CDK5RAP2: variants seen among roughly 807,000 people sequenced by gnomAD.
The protein encoded by CDK5RAP2 is CDK5 regulatory subunit associated protein 2.
Under a neutral mutation model 232.9 loss-of-function variants are expected in CDK5RAP2, and 147 were observed. The ratio of observed to expected loss-of-function variants is 0.63; its 90% CI spans 0.55 to 0.72. The LOEUF (loss-of-function observed/expected upper bound fraction) is 0.72. Ranked by LOEUF, CDK5RAP2 falls within the 30% of genes least tolerant of loss-of-function variation. The pLI is 0.00. For synonymous variants in CDK5RAP2, 833 were observed against 833.7 expected, an observed-to-expected ratio of 1.00 and a Z score of 0.01; for missense variants, 2,195 against 2,231.5, an observed-to-expected ratio of 0.98 and a Z score of 0.33.
At chr9:120,393,353 G>C (rs982117369) in intron 36 of CDK5RAP2, among the ~76,000 whole-genome samples, 12 of 152,284 alleles carry the variant, frequency 7.9e-5, no homozygotes, top group East Asian at 5.8e-4. Context: ...CAGTGGCTGC[G>C]CTCCTCTCTT....
At chr9:120,467,362 G>C (rs980133133) in intron 18 of CDK5RAP2, among the ~76,000 whole-genome samples, 4 of 152,164 alleles carry the variant, frequency 2.6e-5, no homozygotes, top group Non-Finnish European at 5.9e-5. Flanking sequence ...TCCCAGGGCT[G>C]GACCAGAGTC....
At chr9:120,448,197 C>T in intron 21 of CDK5RAP2, 71 bp from the exon 22 acceptor site, 1 of 1,276,216 alleles carries the variant, frequency 7.8e-7, no homozygotes, top group Non-Finnish European at 1.1e-6. Flanking sequence ...TCAACATTCT[C>T]ATGCCAGCCT....
intron 20 of CDK5RAP2, among the ~76,000 whole-genome samples, chr9:120,454,453 A>G (rs368051200): frequency 6.6e-5 from 10 of 152,352 alleles, no homozygotes; most frequent in African/African-American, 2.4e-4. Flanking sequence ...TTCATATTCT[A>G]ACTCTACAAT....
At chr9:120,557,070 A>C (rs1367314363) in intron 3 of CDK5RAP2, among the ~76,000 whole-genome samples, 1 of 152,222 alleles carries the variant, frequency 6.6e-6, no homozygotes, top group African/African-American at 2.4e-5. Flanking sequence ...CACTTGAAAG[A>C]ATATTTGTCC....
At chr9:120,414,578 T>C (rs1251359975) in intron 28 of CDK5RAP2, among the ~76,000 whole-genome samples, 2 of 151,944 alleles carry the variant, frequency 1.3e-5, no homozygotes, top group African/African-American at 4.8e-5. Flanking sequence ...GAAAACAGGG[T>C]TAATGGGTAA....
chr9:120,433,287 T>TA (rs1373663651), intron 25 of CDK5RAP2, among the ~76,000 whole-genome samples: 1 of 152,220 alleles, frequency 6.6e-6, no homozygotes, highest in Non-Finnish European at 1.5e-5. Context: ...TTGTTAAGTC[T>TA]AAGTTCCTCA....
At chr9:120,464,949 C>A (rs2037292300) in intron 18 of CDK5RAP2, among the ~76,000 whole-genome samples, 1 of 152,190 alleles carries the variant, frequency 6.6e-6, no homozygotes, top group African/African-American at 2.4e-5. Flanking sequence ...GAATATTTAA[C>A]AAGCACCTTC....
intron 22 of CDK5RAP2, 44 bp downstream of exon 22, chr9:120,447,851 C>A (rs765790350): frequency 5.2e-6 from 7 of 1,355,896 alleles, no homozygotes; most frequent in Non-Finnish European, 7.4e-6. Flanking sequence ...TTCTATCGAG[C>A]CGTTTGTCTA....
chr9:120,577,503 G>A (rs2043081254), intron 1 of CDK5RAP2, among the ~76,000 whole-genome samples: 1 of 152,164 alleles, frequency 6.6e-6, no homozygotes, highest in Non-Finnish European at 1.5e-5. Context: ...GATAGATAGT[G>A]GTGACCGTTG....
chr9:120,512,099 A>G (rs1351824969), intron 12 of CDK5RAP2, among the ~76,000 whole-genome samples: 1 of 152,152 alleles, frequency 6.6e-6, no homozygotes, highest in East Asian at 1.9e-4. Context: ...CTATAATCCT[A>G]ACACTTTGGG....
At chr9:120,530,220 C>A in intron 7 of CDK5RAP2, 80 bp from the exon 8 acceptor site, 1 of 1,030,960 alleles carries the variant, frequency 9.7e-7, no homozygotes, top group Non-Finnish European at 1.5e-6. Flanking sequence ...GGAAATGGGG[C>A]CAGATATCTT....
intron 27 of CDK5RAP2, 35 bp downstream of exon 27, chr9:120,419,753 G>T (rs773071104): frequency 1.1e-5 from 16 of 1,511,122 alleles, no homozygotes; most frequent in Non-Finnish European, 1.5e-5. Context: ...TTTTAATCAG[G>T]CCATGTTTAA....
At chr9:120,520,924 G>A (rs1314901943) in intron 11 of CDK5RAP2, among the ~76,000 whole-genome samples, 2 of 150,732 alleles carry the variant, frequency 1.3e-5, no homozygotes, top group South Asian at 2.1e-4. Context: ...CATATGAGCT[G>A]TATCTCATAT....
chr9:120,497,421 T>TAAAAAAAAAAAAAAAAAAAAAAAAA (rs71385064), intron 12 of CDK5RAP2, among the ~76,000 whole-genome samples: 4 of 23,298 alleles, frequency 1.7e-4, no homozygotes, highest in East Asian at 6.3e-3. Flanking sequence ...AAAATAAATT[T>TAAAAAAAAAAAAAAAAAAAAAAAAA]AAAAAAAAAA....
chr9:120,468,371 G>C (rs2037505563), intron 17 of CDK5RAP2, among the ~76,000 whole-genome samples: 1 of 152,192 alleles, frequency 6.6e-6, no homozygotes, highest in African/African-American at 2.4e-5. Flanking sequence ...TCTCTCTCTT[G>C]CACTTGAGAC....
At chr9:120,509,555 G>C (rs2131774710) in intron 12 of CDK5RAP2, among the ~76,000 whole-genome samples, 1 of 152,340 alleles carries the variant, frequency 6.6e-6, no homozygotes, top group East Asian at 1.9e-4. Flanking sequence ...ACTTGTAAGT[G>C]AAGCTGAGAT....
At chr9:120,467,739 G>A (rs1829550870) in intron 18 of CDK5RAP2, 121 bp downstream of exon 18, 4 of 1,025,030 alleles carry the variant, frequency 3.9e-6, no homozygotes, top group Admixed American at 1.7e-5. Flanking sequence ...TCAACGTCCT[G>A]GGCCCAAGTG....
In CDK5RAP2 at chr9:120,467,891, G is replaced by A. The variant is rs2037472819; in HGVS notation, c.2075C>T (p.Pro692Leu). The A allele has an allele frequency of 4.3e-6, 7 of 1,614,112 alleles. No individual in the cohort carries two copies. The highest frequency in any genetic ancestry group is 5.9e-6 in the Non-Finnish European group (7 of 1,179,976). The stretch of plus-strand genomic sequence containing the variant: ...TTGTTCTGTAGACGCAAGTCTATCT[G>A]GAAACCCATTTCCCTGGAAACCCAT... Reference protein sequence around the residue: ...SCMGFQGNGFPDRLASTEQTE... With the variant: ...SCMGFQGNGFLDRLASTEQTE... The change falls in exon 18 of 38, where the codon CCA (proline) becomes CTA (leucine). Residue 692 changes from proline to leucine, a missense_variant. Pro to Leu is a moderately conservative substitution (Grantham distance 98). Coordinates refer to ENST00000349780, the MANE Select transcript of CDK5RAP2 (RefSeq NM_018249.6).
At chr9:120,560,615 G>A (rs1210460067) in intron 3 of CDK5RAP2, among the ~76,000 whole-genome samples, 3 of 152,072 alleles carry the variant, frequency 2.0e-5, no homozygotes, top group African/African-American at 7.2e-5. Flanking sequence ...ATAGATGGTG[G>A]TATTGTCTCT....
Sources: allele counts gnomAD v4.1 joint callset (sites outside exome capture counted in the v4.1 genomes callset), GRCh38; gene constraint gnomAD v4.1.1; transcripts MANE v1.5; gene names NCBI Gene and HGNC (gene_info 2026-07-23, HGNC 2026-07-21).